Variants in SMC2 observed in about 807,000 individuals in gnomAD.
SMC2 encodes structural maintenance of chromosomes protein 2.
SMC2 carries 41 observed loss-of-function variants against 142.6 expected under a neutral mutation model. That is an observed-to-expected ratio of 0.29 (90% CI 0.22 to 0.37). SMC2 has a LOEUF of 0.37. Among genes scored for constraint, SMC2 ranks in the 10% least tolerant of loss-of-function variants. The pLI is 1.00. For synonymous variants in SMC2, 463 were observed against 457.5 expected (o/e 1.01, Z -0.15); for missense variants, 1,265 against 1,373.7 (o/e 0.92, Z 1.25).
At position 104,101,965 on chromosome 9, in the gene SMC2, A is replaced by G. The variant is rs1004634640; in HGVS notation, c.642A>G (p.Arg214=). The G allele has an allele frequency of 7.1e-6, 11 of 1,553,792 alleles. No individual in the cohort carries two copies. Among genetic ancestry groups the G allele is most frequent in the Non-Finnish European group, 9.6e-6 (11 of 1,143,696 alleles). ...TTTTGTGATTTCTCTTTCAGGAAAGATCGTCCTACTTGGAGTACCAAAAAG... is the reference window on the plus strand; with the variant it reads ...TTTTGTGATTTCTCTTTCAGGAAAGGTCGTCCTACTTGGAGTACCAAAAAG... ...TPTIQKLKEE[R]SSYLEYQKVM... The change falls in exon 8 of 25, where the codon AGA becomes AGG. Residue 214 remains arginine, a synonymous_variant. Coordinates refer to ENST00000374793, the MANE Select transcript of SMC2 (RefSeq NM_006444.3).
intron 24 of SMC2, 84 bp downstream of exon 24, chr9:104,138,249 A>G: frequency 3.5e-6 from 4 of 1,130,694 alleles, no homozygotes; most frequent in Non-Finnish European, 4.9e-6. Flanking sequence ...GTCAATGTTA[A>G]TAAGATATTT....
At chr9:104,127,027 G>A (rs931729477) in intron 19 of SMC2, among the ~76,000 whole-genome samples, 4 of 151,884 alleles carry the variant, frequency 2.6e-5, no homozygotes, top group Admixed American at 6.6e-5. Context: ...AACAAAAAAC[G>A]CTCTCATTTG....
At position 104,139,141 on chromosome 9, in the gene SMC2, C is replaced by A; in HGVS notation, c.3420C>A (p.Phe1140Leu). The change falls in exon 25 of 25, where the codon TTC (phenylalanine) becomes TTA (leucine). Residue 1140 changes from phenylalanine (F) to leucine (L), a missense_variant and splice_region_variant. Transcript: ENST00000374793. Reference protein sequence around the residue: ...MLRTHFTHSQFIVVSLKEGMF... With the variant: ...MLRTHFTHSQLIVVSLKEGMF... ...TACTTTTTTCTTTTTTCCTTAAGTTCATTGTGGTGTCACTAAAAGAAGGTA... is the reference window on the plus strand; with the variant it reads ...TACTTTTTTCTTTTTTCCTTAAGTTAATTGTGGTGTCACTAAAAGAAGGTA... 1 of 1,546,342 alleles carries A rather than the reference C, an allele frequency of 6.5e-7. No individual in the cohort carries two copies. The highest frequency in any genetic ancestry group is 1.3e-5 in the South Asian group (1 of 78,722).
At chr9:104,121,328 G>A (rs6479211) in intron 16 of SMC2, among the ~76,000 whole-genome samples, 8,592 of 151,868 alleles carry the variant, frequency 0.057, 648 homozygotes, top group African/African-American at 0.18. Flanking sequence ...CCCTGTGTCT[G>A]TAAAAAAACA....
intron 23 of SMC2, among the ~76,000 whole-genome samples, chr9:104,136,427 TTAGCTA>T (rs1835533168): frequency 6.6e-6 from 1 of 152,152 alleles, no homozygotes; most frequent in South Asian, 2.1e-4. Context: ...CCCAATATCT[TTAGCTA>T]TATTTGCCGA....
At chr9:104,103,886 G>A (rs1215138838) in intron 9 of SMC2, among the ~76,000 whole-genome samples, 2 of 152,122 alleles carry the variant, frequency 1.3e-5, no homozygotes, top group African/African-American at 2.4e-5. Context: ...CTGTGTTGTG[G>A]CATCCAAGAA....
At chr9:104,096,351 T>C in intron 3 of SMC2, 54 bp downstream of exon 3, 1 of 1,555,056 alleles carries the variant, frequency 6.4e-7, no homozygotes, top group Non-Finnish European at 8.8e-7. Flanking sequence ...TCTGATGTGG[T>C]TTTTGGCCCT....
chr9:104,137,770 G>A (rs942843998), intron 23 of SMC2, among the ~76,000 whole-genome samples: 1 of 151,744 alleles, frequency 6.6e-6, no homozygotes, highest in African/African-American at 2.4e-5. Context: ...ACGTAATATG[G>A]CAATATTAAA....
intron 24 of SMC2, among the ~76,000 whole-genome samples, chr9:104,138,744 T>C (rs1444320373): frequency 1.3e-5 from 2 of 152,160 alleles, no homozygotes; most frequent in Non-Finnish European, 2.9e-5. Flanking sequence ...GCAAATAACA[T>C]TGAATGGGGC....
At chr9:104,097,479 C>G (rs1830576946) in intron 3 of SMC2, among the ~76,000 whole-genome samples, 1 of 144,788 alleles carries the variant, frequency 6.9e-6, no homozygotes, top group African/African-American at 2.6e-5. Context: ...TACAGATTTT[C>G]TCCTCTATTT....
At chr9:104,090,444 G>A (rs1829970026), upstream of SMC2, among the ~76,000 whole-genome samples, 1 of 151,972 alleles carries the variant, frequency 6.6e-6, no homozygotes, top group Admixed American at 6.6e-5. Context: ...TACCGGAACT[G>A]GAAAAAGGCA....
Position 104,102,537 on chromosome 9 carries a change from A to C in SMC2, c.984A>C (p.Glu328Asp). Reference protein sequence around the residue: ...DLKKKNLACEESKRKELEKNM... With the variant: ...DLKKKNLACEDSKRKELEKNM... ...AGAAGAAAAATCTGGCATGTGAGGA[A>C]AGCAAACGCAAAGAGCTGGAAAAAA... The change falls in exon 9 of 25, where the codon GAA (glutamate) becomes GAC (aspartate). Residue 328 changes from glutamate to aspartate, a missense_variant. Glu to Asp is a conservative substitution (Grantham distance 45). Coordinates refer to ENST00000374793, the MANE Select transcript of SMC2 (RefSeq NM_006444.3). 6.2e-7 allele frequency: 1 copy of C among 1,613,744 alleles called. No homozygotes were observed. Among genetic ancestry groups the C allele is most frequent in the Non-Finnish European group, 8.5e-7 (1 of 1,179,850 alleles).
intron 19 of SMC2, 80 bp downstream of exon 19, chr9:104,126,864 G>A (rs1446622319): frequency 1.5e-6 from 2 of 1,328,302 alleles, no homozygotes; most frequent in Admixed American, 2.2e-5. Context: ...TTTGACTTTA[G>A]TGTTCTCAGT....
At chr9:104,126,130 T>TG (rs1278133636) in intron 18 of SMC2, among the ~76,000 whole-genome samples, 6 of 152,106 alleles carry the variant, frequency 3.9e-5, no homozygotes, top group African/African-American at 9.7e-5. Context: ...ATCTAATGCG[T>TG]GATGATCTGA....
At position 104,127,364 on chromosome 9, in the gene SMC2, A is replaced by G; in HGVS notation, c.2674A>G (p.Lys892Glu). 1 of 1,613,938 alleles carries G rather than the reference A, an allele frequency of 6.2e-7. No homozygotes were observed. ...ITAQDTVIKA[K>E]YAEVAKHKEQ... Reference sequence around the variant, plus strand: ...AGCCCAAGACACTGTAATTAAAGCTAAATATGCAGAAGTGGCAAAACACAA... The same window carrying G: ...AGCCCAAGACACTGTAATTAAAGCTGAATATGCAGAAGTGGCAAAACACAA... The change falls in exon 20 of 25, where the codon AAA becomes GAA. Residue 892 changes from lysine (K) to glutamate (E), a missense_variant. This residue lies in a region of SMC2 where 898 missense variants were observed against 904.2 expected (regional missense o/e 0.99). Transcript: ENST00000374793.
intron 21 of SMC2, among the ~76,000 whole-genome samples, chr9:104,131,774 G>T (rs1459667863): frequency 6.7e-6 from 1 of 150,356 alleles, no homozygotes; most frequent in Non-Finnish European, 1.5e-5. Context: ...ACATATGGAT[G>T]ATTTTATTCC....
intron 9 of SMC2, among the ~76,000 whole-genome samples, chr9:104,109,761 A>G (rs910527557): frequency 6.6e-6 from 1 of 152,216 alleles, no homozygotes; most frequent in Non-Finnish European, 1.5e-5. Context: ...AAAATTAAGA[A>G]GAAGTTAAGT....
chr9:104,097,119 GTTTTT>G (rs71501412), intron 3 of SMC2, among the ~76,000 whole-genome samples: 2 of 104,118 alleles, frequency 1.9e-5, no homozygotes, highest in Non-Finnish European at 4.0e-5. Flanking sequence ...GCTTGTCAAG[GTTTTT>G]TTTTTTTTTT....
At chr9:104,088,659 C>G in the SMC2 span, among the ~76,000 whole-genome samples, 2 of 147,264 alleles carry the variant, frequency 1.4e-5, no homozygotes, top group Middle Eastern at 3.2e-3. Flanking sequence ...GGATCTCATA[C>G]TAAATCTTGC....
Sources: gnomAD v4.1 joint callset for allele counts (sites outside exome capture counted in the v4.1 genomes callset) on GRCh38, gnomAD v4.1.1 for gene constraint, gnomAD v4.1.1 regional missense constraint, MANE v1.5 for transcripts, NCBI Gene and HGNC (gene_info 2026-07-23, HGNC 2026-07-21) for gene names.